NEMP2: variants seen among roughly 807,000 people sequenced by gnomAD.
NEMP2 encodes UPF0571 transmembrane protein.
In NEMP2, 53 loss-of-function variants were observed where a neutral mutation model predicts 54.2. The observed-to-expected ratio is 0.98, with a 90% confidence interval of 0.78 to 1.23. NEMP2 has a LOEUF of 1.23. Among genes scored for constraint, NEMP2 ranks in the 50% most tolerant of loss-of-function variants. The pLI, the probability that NEMP2 is intolerant of heterozygous loss-of-function variation, is 0.00. For missense variants in NEMP2, 455 were observed against 511.3 expected (o/e 0.89, Z 1.06); for synonymous variants, 197 against 190.3 (o/e 1.04, Z -0.29).
Position 190,525,959 on chromosome 2 carries a change from T to G in NEMP2, c.98-581A>C, listed in dbSNP as rs1259519480. Among the ~76,000 whole-genome samples the G allele has an allele frequency of 6.6e-6, 1 of 152,100 alleles. No individual in the cohort carries two copies. The highest frequency in any genetic ancestry group is 6.6e-5 in the Admixed American group (1 of 15,266). On this transcript the variant is annotated intron_variant, in intron 1 of 8. Coordinates refer to ENST00000409150, the MANE Select transcript of NEMP2 (RefSeq NM_001142645.2). The surrounding 1 kb of genome is among the most constrained non-coding windows in gnomAD (Gnocchi z 5.0). Reference sequence around the variant, plus strand: ...ATCTTGAAAGCAGAGCATTGGAGGATTTTAGGTAAGTATCAGTCTCAGCAA... The same window carrying G: ...ATCTTGAAAGCAGAGCATTGGAGGAGTTTAGGTAAGTATCAGTCTCAGCAA...
the NEMP2 span, among the ~76,000 whole-genome samples, chr2:190,473,477 G>A: frequency 3.3e-5 from 5 of 152,128 alleles, no homozygotes; most frequent in African/African-American, 1.2e-4. Flanking sequence ...GACAAAGAAG[G>A]CCATTACATA....
At chr2:190,561,666 G>A in the NEMP2 span, among the ~76,000 whole-genome samples, 6 of 152,300 alleles carry the variant, frequency 3.9e-5, no homozygotes, top group African/African-American at 1.2e-4. This position sits in a 1 kb window ranked among gnomAD's most constrained non-coding sequence, Gnocchi z 5.4. Context: ...GAGGGGATGG[G>A]GGAGGGAGGT....
the NEMP2 span, among the ~76,000 whole-genome samples, chr2:190,590,575 A>G: frequency 6.6e-6 from 1 of 152,116 alleles, no homozygotes. This position sits in a 1 kb window ranked among gnomAD's most constrained non-coding sequence, Gnocchi z 5.1. Flanking sequence ...AAGACAATTG[A>G]TCATTCAATG....
chr2:190,489,798 TG>T, the NEMP2 span: 1 of 1,614,200 alleles, frequency 6.2e-7, no homozygotes, highest in Non-Finnish European at 8.5e-7. The surrounding 1 kb of genome is among the most constrained non-coding windows in gnomAD (Gnocchi z 6.6). Flanking sequence ...GGAATTGGCA[TG>T]GCCTGCTTGG....
chr2:190,509,189 T>C lies in NEMP2; in HGVS notation c.1254A>G (p.Ter418TrpextTer56). 6.4e-7 allele frequency: 1 copy of C among 1,551,672 alleles called. No individual in the cohort carries two copies. Among genetic ancestry groups the C allele is most frequent in the Non-Finnish European group, 8.7e-7 (1 of 1,146,994 alleles). Residue 418 changes from the stop codon to tryptophan, a stop_lost, in exon 9 of 9, where the codon TGA becomes TGG. Transcript: ENST00000409150. This position sits in a 1 kb window ranked among gnomAD's most constrained non-coding sequence, Gnocchi z 6.1. ...ATGAAGTCAACTTGAAGGTCGCATGTCAGGCAGTACTCGGGTTAAAGAGCT... is the reference window on the plus strand; with the variant it reads ...ATGAAGTCAACTTGAAGGTCGCATGCCAGGCAGTACTCGGGTTAAAGAGCT... Reference protein sequence around the residue: ...EEQLFNPSTA* With the variant: ...EEQLFNPSTAW
In NEMP2 at chr2:190,522,137, T is replaced by C. The variant is rs981128456; in HGVS notation, c.214-2954A>G. Among the ~76,000 whole-genome samples, 5 of 152,176 alleles carry C rather than the reference T, an allele frequency of 3.3e-5. No individual in the cohort carries two copies. The highest frequency in any genetic ancestry group is 7.3e-5 in the Non-Finnish European group (5 of 68,038). On this transcript the variant is annotated intron_variant, in intron 2 of 8. Transcript: ENST00000409150. This position sits in a 1 kb window ranked among gnomAD's most constrained non-coding sequence, Gnocchi z 5.0. ...TACCTTTGTATAGAGTTTTAACTTT[T>C]AAGCCATATTAATGTTGTAGATACT... is the stretch of plus-strand genomic sequence containing the variant.
At chr2:190,590,828 T>C in the NEMP2 span, among the ~76,000 whole-genome samples, 1 of 152,212 alleles carries the variant, frequency 6.6e-6, no homozygotes, top group African/African-American at 2.4e-5. This position sits in a 1 kb window ranked among gnomAD's most constrained non-coding sequence, Gnocchi z 5.1. Flanking sequence ...TATTTCCTTA[T>C]TTCTTCTACC....
the NEMP2 span, among the ~76,000 whole-genome samples, chr2:190,572,095 T>A: frequency 1.3e-5 from 2 of 152,220 alleles, no homozygotes; most frequent in African/African-American, 4.8e-5. Flanking sequence ...GGGTTTTTTT[T>A]AAAGTTTCCT....
In NEMP2 at chr2:190,513,595, T is replaced by G. The variant is rs922924976; in HGVS notation, c.953+858A>C. Among the ~76,000 whole-genome samples, 1 of 152,266 alleles carries G rather than the reference T, an allele frequency of 6.6e-6. No homozygotes were observed. The highest frequency in any genetic ancestry group is 2.4e-5 in the African/African-American group (1 of 41,470). ...ACTAGATTGCTTAGCATGGCTGCCA[T>G]GCATCTGGCCCATGCCCACCTTGCT... On this transcript the variant is annotated intron_variant, in intron 7 of 8. Transcript: ENST00000409150. This position sits in a 1 kb window ranked among gnomAD's most constrained non-coding sequence, Gnocchi z 5.3.
chr2:190,644,876 G>A, the NEMP2 span, among the ~76,000 whole-genome samples: 5 of 152,118 alleles, frequency 3.3e-5, no homozygotes, highest in South Asian at 1.0e-3. The surrounding 1 kb of genome is among the most constrained non-coding windows in gnomAD (Gnocchi z 4.4). Context: ...CAAACCACAT[G>A]TGCCCCAGAA....
chr2:190,545,335 A>T, the NEMP2 span, among the ~76,000 whole-genome samples: 1 of 152,126 alleles, frequency 6.6e-6, no homozygotes. Context: ...TCAATCAGCC[A>T]TTCTCTACTA....
At chr2:190,538,487 C>A (rs1691447687), upstream of NEMP2, among the ~76,000 whole-genome samples, 2 of 152,032 alleles carry the variant, frequency 1.3e-5, no homozygotes, top group Non-Finnish European at 1.5e-5. This position sits in a 1 kb window ranked among gnomAD's most constrained non-coding sequence, Gnocchi z 4.1. Context: ...TGGATATATA[C>A]CCAGTAGTGG....
At chr2:190,425,692 A>T in the NEMP2 span, among the ~76,000 whole-genome samples, 1 of 152,162 alleles carries the variant, frequency 6.6e-6, no homozygotes, top group Non-Finnish European at 1.5e-5. The surrounding 1 kb of genome is among the most constrained non-coding windows in gnomAD (Gnocchi z 4.3). Context: ...TATTTTTGGA[A>T]TCAACCACAC....
At chr2:190,424,829 A>C in the NEMP2 span, among the ~76,000 whole-genome samples, 1 of 152,208 alleles carries the variant, frequency 6.6e-6, no homozygotes, top group Non-Finnish European at 1.5e-5. This position sits in a 1 kb window ranked among gnomAD's most constrained non-coding sequence, Gnocchi z 5.9. Flanking sequence ...CACGGTCTTA[A>C]TGCACAGCTA....
the NEMP2 span, chr2:190,628,432 T>C: frequency 6.6e-6 from 1 of 152,226 alleles, no homozygotes; most frequent in Admixed American, 6.5e-5. This position sits in a 1 kb window ranked among gnomAD's most constrained non-coding sequence, Gnocchi z 4.1. Context: ...CTCAACAGTA[T>C]ACATGCTCTT....
At chr2:190,623,984 T>C in the NEMP2 span, among the ~76,000 whole-genome samples, 1 of 152,108 alleles carries the variant, frequency 6.6e-6, no homozygotes, top group Non-Finnish European at 1.5e-5. Context: ...AAAAACAATC[T>C]GATTAAAGAA....
At chr2:190,599,747 C>T in the NEMP2 span, among the ~76,000 whole-genome samples, 1 of 152,082 alleles carries the variant, frequency 6.6e-6, no homozygotes, top group African/African-American at 2.4e-5. Flanking sequence ...GGAAGCTTTC[C>T]AAGAGTAGGT....
the NEMP2 span, among the ~76,000 whole-genome samples, chr2:190,423,082 T>C: frequency 2.0e-5 from 3 of 152,238 alleles, no homozygotes; most frequent in African/African-American, 7.2e-5. The surrounding 1 kb of genome is among the most constrained non-coding windows in gnomAD (Gnocchi z 4.3). Flanking sequence ...TTTGAGATCA[T>C]TGTGGATTCA....
chr2:190,440,261 C>T, the NEMP2 span, among the ~76,000 whole-genome samples: 1 of 152,188 alleles, frequency 6.6e-6, no homozygotes, highest in African/African-American at 2.4e-5. Flanking sequence ...AGTATTTTAA[C>T]AGTTTCACAA....
Sources: allele counts gnomAD v4.1 joint callset (sites outside exome capture counted in the v4.1 genomes callset), GRCh38; gene constraint gnomAD v4.1.1; non-coding constraint Gnocchi (gnomAD v3.1); transcripts MANE v1.5; gene names NCBI Gene and HGNC (gene_info 2026-07-23, HGNC 2026-07-21).